The following ASIC4 variants were observed in gnomAD, a reference collection of about 807,000 sequenced individuals.
The protein encoded by ASIC4 is acid sensing ion channel subunit family member 4.
Under a neutral mutation model 53.4 loss-of-function variants are expected in ASIC4, and 28 were observed. The observed-to-expected ratio is 0.52, with a 90% CI of 0.39 to 0.72. The LOEUF is 0.72. ASIC4 is among the 30% of genes least tolerant of loss of function. ASIC4 has a pLI of 0.00. For synonymous variants in ASIC4, 289 were observed against 301.4 expected (o/e 0.96, Z 0.43); for missense variants, 649 against 729.7 (o/e 0.89, Z 1.27).
At chr2:219,513,271 G>A (rs552414398), upstream of ASIC4, among the ~76,000 whole-genome samples, 157 of 150,636 alleles carry the variant, frequency 1.0e-3, no homozygotes, top group African/African-American at 3.7e-3. Context: ...TTCCTCCCCC[G>A]TGAGGGCACA....
At position 219,517,856 on chromosome 2, in the gene ASIC4, A is replaced by AG. The variant is rs1285876775; in HGVS notation, c.582+2554dup. Reference sequence around the variant, plus strand: ...TCAGAGACAGGGACAGGCTTCACCAAGGGGCTGTTATGTGTTTTCTGTTGC... The same window carrying AG: ...TCAGAGACAGGGACAGGCTTCACCAAGGGGGCTGTTATGTGTTTTCTGTTGC... On this transcript the variant is annotated intron_variant, in intron 1 of 9. Coordinates refer to ENST00000358078, the MANE Select transcript of ASIC4 (RefSeq NM_018674.6). This position sits in a 1 kb window ranked among gnomAD's most constrained non-coding sequence, Gnocchi z 4.2. Among the ~76,000 whole-genome samples, 1 of 152,012 alleles carries AG rather than the reference A, an allele frequency of 6.6e-6. No homozygotes were observed. Among genetic ancestry groups the AG allele is most frequent in the Non-Finnish European group, 1.5e-5 (1 of 67,982 alleles).
upstream of ASIC4, among the ~76,000 whole-genome samples, chr2:219,511,660 A>C (rs1694703343): frequency 6.6e-6 from 1 of 151,214 alleles, no homozygotes; most frequent in Non-Finnish European, 1.5e-5. This position sits in a 1 kb window ranked among gnomAD's most constrained non-coding sequence, Gnocchi z 5.3. Context: ...GGGCCTGGCC[A>C]GCCACACTTG....
intron 4 of ASIC4, 23 bp downstream of exon 4, chr2:219,532,500 G>T (rs1429881133): frequency 1.0e-5 from 16 of 1,599,242 alleles, no homozygotes; most frequent in Non-Finnish European, 1.4e-5. Flanking sequence ...CCCCCAGCCA[G>T]CCCTCCATGC....
chr2:219,533,089 T>G (rs6731344), intron 5 of ASIC4, 150 bp downstream of exon 5: 1 of 844,626 alleles, frequency 1.2e-6, no homozygotes, highest in Non-Finnish European at 2.0e-6. Flanking sequence ...TCAGTGGGGT[T>G]GGGGAGAGGT....
At chr2:219,507,588 C>T in the ASIC4 span, among the ~76,000 whole-genome samples, 61 of 152,136 alleles carry the variant, frequency 4.0e-4, no homozygotes, top group Non-Finnish European at 7.5e-4. Context: ...ACCTCCTGTC[C>T]CCCTGGCCCT....
At chr2:219,524,131 C>G (rs1694930060) in intron 1 of ASIC4, among the ~76,000 whole-genome samples, 1 of 152,220 alleles carries the variant, frequency 6.6e-6, no homozygotes, top group Admixed American at 6.5e-5. Context: ...CCCATAAGTA[C>G]TTTGAATGAA....
chr2:219,512,774 A>G (rs1182711823), upstream of ASIC4, among the ~76,000 whole-genome samples: 1 of 152,358 alleles, frequency 6.6e-6, no homozygotes, highest in South Asian at 2.1e-4. Flanking sequence ...GAACCAGCTG[A>G]CCCAGACTCA....
In ASIC4 at chr2:219,538,252, C is replaced by T. The variant is rs1341951826; in HGVS notation, c.*206C>T. 1 of 583,286 alleles carries T rather than the reference C, an allele frequency of 1.7e-6. No individual in the cohort carries two copies. Among genetic ancestry groups the T allele is most frequent in the Non-Finnish European group, 3.0e-6 (1 of 328,844 alleles). 36.1% of individuals were successfully genotyped at this position (583,286 alleles called of 1,614,324 possible). On this transcript the variant is annotated 3_prime_UTR_variant, in exon 10 of 10. Transcript: ENST00000358078. ...ACACCCCTTATCCCCAGGCTGGTGC[C>T]CCGGGAGGGCTGGAGACCAGGCCAT... is the stretch of plus-strand genomic sequence containing the variant.
chr2:219,520,117 G>A (rs1694862306), intron 1 of ASIC4, among the ~76,000 whole-genome samples: 1 of 152,036 alleles, frequency 6.6e-6, no homozygotes, highest in African/African-American at 2.4e-5. Flanking sequence ...GGGCCCTGTG[G>A]GCGCCTCACT....
At chr2:219,511,816 C>T (rs1252833577), upstream of ASIC4, among the ~76,000 whole-genome samples, 3 of 151,818 alleles carry the variant, frequency 2.0e-5, no homozygotes, top group Admixed American at 6.6e-5. This position sits in a 1 kb window ranked among gnomAD's most constrained non-coding sequence, Gnocchi z 5.3. Context: ...GGCAATGAGC[C>T]GGGGAAGCAG....
At chr2:219,529,807 G>A (rs1334409447) in intron 1 of ASIC4, among the ~76,000 whole-genome samples, 1 of 152,250 alleles carries the variant, frequency 6.6e-6, no homozygotes, top group South Asian at 2.1e-4. Context: ...TGTTTGTGGT[G>A]CACACGTTTT....
chr2:219,514,675 G>T lies in ASIC4; in HGVS notation c.-50G>T. On this transcript the variant is annotated 5_prime_UTR_variant, in exon 1 of 10. The change creates a new upstream start codon in the 5' untranslated region. Transcript: ENST00000358078. ...GGGAGGGCACCAGGGCTGCTGGCTAGGGAGGGACAGGGCAGGGAGGCTCTG... is the reference window on the plus strand; with the variant it reads ...GGGAGGGCACCAGGGCTGCTGGCTATGGAGGGACAGGGCAGGGAGGCTCTG... 1 of 1,613,274 alleles carries T rather than the reference G, an allele frequency of 6.2e-7. No homozygotes were observed. The highest frequency in any genetic ancestry group is 8.5e-7 in the Non-Finnish European group (1 of 1,179,792).
Position 219,537,359 on chromosome 2 carries a change from C to T in ASIC4, c.1401+38C>T, listed in dbSNP as rs748459158. On this transcript the variant is annotated intron_variant, in intron 8 of 9. Transcript: ENST00000358078. The surrounding 1 kb of genome is among the most constrained non-coding windows in gnomAD (Gnocchi z 4.9). The stretch of plus-strand genomic sequence containing the variant: ...GAGAAGGCAGGGTGGGAGTGGGGGC[C>T]GTGGGCAAAGCAGAAGGGGGCAGTG... 1.6e-5 allele frequency: 26 copies of T among 1,591,052 alleles called. No homozygotes were observed. The highest frequency in any genetic ancestry group is 5.3e-5 in the Admixed American group (3 of 56,650).
At chr2:219,523,050 C>T (rs956649670) in intron 1 of ASIC4, among the ~76,000 whole-genome samples, 38 of 151,918 alleles carry the variant, frequency 2.5e-4, no homozygotes, top group Non-Finnish European at 4.7e-4. Flanking sequence ...GGCCAGGGAT[C>T]CTGGCAGGCG....
In ASIC4 at chr2:219,537,054, C is replaced by T. The variant is rs1695150424; in HGVS notation, c.1230-12C>T. On this transcript the variant is annotated splice_polypyrimidine_tract_variant and intron_variant, in intron 6 of 9. Transcript: ENST00000358078. The surrounding 1 kb of genome is among the most constrained non-coding windows in gnomAD (Gnocchi z 4.9). ...GAGGCCCACACGGATACCCTGCTTC[C>T]TGTCTCCACAGGGAGAACTTCCTGG... The T allele has an allele frequency of 6.2e-7, 1 of 1,612,908 alleles. No homozygotes were observed. Among genetic ancestry groups the T allele is most frequent in the Non-Finnish European group, 8.5e-7 (1 of 1,179,192 alleles).
At chr2:219,514,257 C>G, upstream of ASIC4, 1 of 1,437,996 alleles carries the variant, frequency 7.0e-7, no homozygotes, top group Non-Finnish European at 9.2e-7. Flanking sequence ...TGCCCCCTCC[C>G]CTGGCCTGGC....
rs1694826585 is a variant in ASIC4 at position 219,518,139 on chromosome 2, C to T, written c.582+2833C>T. ...TGGGTGCCTACTATGTGTTGGGCTC[C>T]CTGCTCAGAGCTGTGGAGGACAGCA... is the stretch of plus-strand genomic sequence containing the variant. On this transcript the variant is annotated intron_variant, in intron 1 of 9. Transcript: ENST00000358078. The surrounding 1 kb of genome is among the most constrained non-coding windows in gnomAD (Gnocchi z 4.8). Among the ~76,000 whole-genome samples, 1 of 152,124 alleles carries T rather than the reference C, an allele frequency of 6.6e-6. No individual in the cohort carries two copies. Among genetic ancestry groups the T allele is most frequent in the Admixed American group, 6.6e-5 (1 of 15,264 alleles).
rs1158708578 is a variant in ASIC4 at position 219,517,821 on chromosome 2, G to A, written c.582+2515G>A. Among the ~76,000 whole-genome samples the A allele has an allele frequency of 6.6e-6, 1 of 152,068 alleles. No homozygotes were observed. The highest frequency in any genetic ancestry group is 1.5e-5 in the Non-Finnish European group (1 of 68,004). On this transcript the variant is annotated intron_variant, in intron 1 of 9. Coordinates refer to ENST00000358078, the MANE Select transcript of ASIC4 (RefSeq NM_018674.6). This position sits in a 1 kb window ranked among gnomAD's most constrained non-coding sequence, Gnocchi z 4.2. The stretch of plus-strand genomic sequence containing the variant: ...GTGGGGAGCCTGCCGGGGTATGGGT[G>A]GTGAGATGGTCAGAGACAGGGACAG...
At chr2:219,521,958 G>A (rs1038540295) in intron 1 of ASIC4, among the ~76,000 whole-genome samples, 3 of 152,226 alleles carry the variant, frequency 2.0e-5, no homozygotes, top group African/African-American at 7.2e-5. Context: ...GGCAGGAGGA[G>A]GACAGAGGGG....
Sources: gnomAD v4.1 joint callset for allele counts (sites outside exome capture counted in the v4.1 genomes callset) on GRCh38, gnomAD v4.1.1 for gene constraint, Gnocchi (gnomAD v3.1) non-coding constraint, MANE v1.5 for transcripts, NCBI Gene and HGNC (gene_info 2026-07-23, HGNC 2026-07-21) for gene names.